The following EPCAM variants were observed in gnomAD, a reference collection of about 807,000 sequenced individuals.
The protein encoded by EPCAM is epithelial cell adhesion molecule.
A neutral mutation model predicts 40.0 loss-of-function variants in EPCAM; 39 were observed. The observed-to-expected ratio is 0.98, with a 90% confidence interval of 0.76 to 1.27. The LOEUF (loss-of-function observed/expected upper bound fraction) is 1.27. Among genes scored for constraint, EPCAM ranks in the 50% most tolerant of loss-of-function variants. The probability of loss-of-function intolerance (pLI) is 0.00; values close to 1 mark genes in which losing one functional copy is unlikely to be tolerated. For synonymous variants in EPCAM, 168 were observed against 132.3 expected (o/e 1.27, Z -1.85); for missense variants, 503 against 381.2 (o/e 1.32, Z -2.66).
chr2:47,382,996 C>CTT (rs879299944), intron 7 of EPCAM, among the ~76,000 whole-genome samples: 1 of 142,514 alleles, frequency 7.0e-6, no homozygotes, highest in African/African-American at 2.6e-5. Context: ...AAATTTCTTT[C>CTT]TTTTTTTTTT....
Position 47,386,745 on chromosome 2 carries a change from A to T in EPCAM, c.*132A>T, listed in dbSNP as rs1671752174. 4.3e-6 allele frequency: 3 copies of T among 695,164 alleles called. No individual in the cohort carries two copies. The highest frequency in any genetic ancestry group is 7.5e-6 in the Non-Finnish European group (3 of 400,706). The allele number at this position is 695,164 out of a possible 1,614,324, so 43.1% of individuals were successfully genotyped here. On this transcript the variant is annotated 3_prime_UTR_variant, in exon 9 of 9. Transcript: ENST00000263735. Reference sequence around the variant, plus strand: ...TTAACATCATATATTTGTAATAGTGAAACCTGTACTCAAAATATAAGCAGC... The same window carrying T: ...TTAACATCATATATTTGTAATAGTGTAACCTGTACTCAAAATATAAGCAGC...
At chr2:47,376,060 T>C (rs1220157641) in intron 4 of EPCAM, among the ~76,000 whole-genome samples, 1 of 152,110 alleles carries the variant, frequency 6.6e-6, no homozygotes, top group African/African-American at 2.4e-5. Context: ...TCCTTTGTAG[T>C]AATTTTTCCC....
intron 4 of EPCAM, among the ~76,000 whole-genome samples, chr2:47,376,466 G>C (rs1461333594): frequency 1.3e-5 from 2 of 151,936 alleles, no homozygotes; most frequent in African/African-American, 2.4e-5. Context: ...CTCCACGTTG[G>C]TCAGGCTGGT....
chr2:47,372,751 G>T (rs1366672120), intron 1 of EPCAM, among the ~76,000 whole-genome samples: 1 of 151,772 alleles, frequency 6.6e-6, no homozygotes, highest in Non-Finnish European at 1.5e-5. Flanking sequence ...CAGCCTGCAC[G>T]ACAGAGTGAG....
At chr2:47,369,623 C>T (rs868121750) in intron 1 of EPCAM, 42 bp downstream of exon 1, 2 of 1,546,614 alleles carry the variant, frequency 1.3e-6, no homozygotes, top group South Asian at 1.2e-5. Context: ...CTGGGCTGGG[C>T]TGGGGGGCAG....
intron 1 of EPCAM, among the ~76,000 whole-genome samples, chr2:47,370,678 T>A (rs1269591460): frequency 1.3e-5 from 2 of 152,028 alleles, no homozygotes; most frequent in African/African-American, 4.8e-5. Context: ...CCTCAGACCA[T>A]CCTTCTGCGT....
chr2:47,381,194 C>A (rs1453368714), intron 7 of EPCAM, among the ~76,000 whole-genome samples: 1 of 148,956 alleles, frequency 6.7e-6, no homozygotes, highest in Admixed American at 6.7e-5. Flanking sequence ...GTCGGGAGTT[C>A]GAGACCAGCC....
rs1247358339 is a variant in EPCAM at position 47,386,758 on chromosome 2, A to G, written c.*145A>G. The G allele has an allele frequency of 6.5e-6, 4 of 612,318 alleles. No homozygotes were observed. The highest frequency in any genetic ancestry group is 2.8e-5 in the Admixed American group (1 of 35,328). 37.9% of individuals were successfully genotyped at this position (612,318 alleles called of 1,614,324 possible). A position where few individuals can be genotyped will look rare whatever the true frequency, so the allele number is the denominator to read the frequency against. On this transcript the variant is annotated 3_prime_UTR_variant, in exon 9 of 9. Transcript: ENST00000263735. ...TTTGTAATAGTGAAACCTGTACTCAAAATATAAGCAGCTTGAAACTGGCTT... is the reference window on the plus strand; with the variant it reads ...TTTGTAATAGTGAAACCTGTACTCAGAATATAAGCAGCTTGAAACTGGCTT...
At chr2:47,384,143 C>G (rs1384275298) in intron 7 of EPCAM, among the ~76,000 whole-genome samples, 1 of 151,888 alleles carries the variant, frequency 6.6e-6, no homozygotes, top group East Asian at 1.9e-4. Context: ...CTTCTGTTGC[C>G]CAGGCTGGAG....
chr2:47,380,029 G>T, intron 7 of EPCAM, 60 bp downstream of exon 7: 1 of 1,553,232 alleles, frequency 6.4e-7, no homozygotes, highest in East Asian at 2.4e-5. Flanking sequence ...AAAAGTAATA[G>T]TGGCTGGGCG....
chr2:47,386,894 C>G lies in EPCAM; in HGVS notation c.*281C>G. ...TTTATGTGTAACATTCAAATGTGTG[C>G]ATTAAATATGCTTCCACAGTAAAAT... On this transcript the variant is annotated 3_prime_UTR_variant, in exon 9 of 9. Transcript: ENST00000263735. 3.3e-6 allele frequency: 1 copy of G among 302,946 alleles called. No homozygotes were observed. Among genetic ancestry groups the G allele is most frequent in the South Asian group, 1.1e-4 (1 of 9,360 alleles). The allele number at this position is 302,946 out of a possible 1,614,324, so 18.8% of individuals were successfully genotyped here. A position where few individuals can be genotyped will look rare whatever the true frequency, so the allele number is the denominator to read the frequency against.
At chr2:47,380,136 T>G (rs1469114363) in intron 7 of EPCAM, among the ~76,000 whole-genome samples, 167 bp downstream of exon 7, 1 of 152,038 alleles carries the variant, frequency 6.6e-6, no homozygotes, top group African/African-American at 2.4e-5. Flanking sequence ...GGCAACATGG[T>G]GAAACCTTAT....
At chr2:47,380,950 G>A (rs2103761145) in intron 7 of EPCAM, among the ~76,000 whole-genome samples, 1 of 151,672 alleles carries the variant, frequency 6.6e-6, no homozygotes, top group Admixed American at 6.6e-5. Flanking sequence ...AATTAGCTGG[G>A]CGTGGTGGCA....
chr2:47,381,409 A>G (rs902362689), intron 7 of EPCAM, among the ~76,000 whole-genome samples: 8 of 151,302 alleles, frequency 5.3e-5, no homozygotes, highest in Middle Eastern at 3.2e-3. Context: ...AAAAAAAAAA[A>G]AAAGAAATCT....
intron 5 of EPCAM, 53 bp from the exon 6 acceptor site, chr2:47,378,900 A>C: frequency 4.8e-6 from 4 of 831,620 alleles, no homozygotes; most frequent in Admixed American, 3.5e-5. Context: ...GTTATTTTCA[A>C]ATGATTTTGA....
At chr2:47,381,187 G>A (rs1399255419) in intron 7 of EPCAM, among the ~76,000 whole-genome samples, 3 of 147,042 alleles carry the variant, frequency 2.0e-5, no homozygotes, top group Non-Finnish European at 4.5e-5. Flanking sequence ...ACCCGAGGTC[G>A]GGAGTTCGAG....
intron 8 of EPCAM, among the ~76,000 whole-genome samples, chr2:47,385,739 G>A (rs3924917): frequency 0.47 from 72,112 of 151,958 alleles, 19,139 homozygotes; most frequent in East Asian, 0.73. Context: ...ATTTTTGTGT[G>A]TCTTTGTAGT....
intron 1 of EPCAM, 125 bp downstream of exon 1, chr2:47,369,706 A>T: frequency 9.6e-7 from 1 of 1,039,362 alleles, no homozygotes; most frequent in Non-Finnish European, 1.5e-6. Context: ...TCCAGCGTGG[A>T]GACCGGACGG....
intron 6 of EPCAM, among the ~76,000 whole-genome samples, 160 bp from the exon 7 acceptor site, chr2:47,379,609 A>G (rs1380530785): frequency 6.6e-6 from 1 of 152,218 alleles, no homozygotes; most frequent in East Asian, 1.9e-4. Flanking sequence ...GGTTCCTGTA[A>G]TAAACAGTTT....
Sources: gnomAD v4.1 joint callset for allele counts (sites outside exome capture counted in the v4.1 genomes callset) on GRCh38, gnomAD v4.1.1 for gene constraint, MANE v1.5 for transcripts, NCBI Gene and HGNC (gene_info 2026-07-23, HGNC 2026-07-21) for gene names.